The following SHANK2 variants were observed in gnomAD, a reference collection of about 807,000 sequenced individuals.
The protein encoded by SHANK2 is SH3 and multiple ankyrin repeat domains 2, also known as SH3 and multiple ankyrin repeat domains protein 2.
Under a neutral mutation model 133.7 loss-of-function variants are expected in SHANK2, and 43 were observed. The ratio of observed to expected loss-of-function variants is 0.32; its 90% CI spans 0.25 to 0.41. The LOEUF is 0.41. SHANK2 is among the 10% of genes least tolerant of loss of function. The pLI, the probability that SHANK2 is intolerant of heterozygous loss-of-function variation, is 1.00. For synonymous variants in SHANK2, 1,017 were observed against 952.8 expected (o/e 1.07, Z -1.24); for missense variants, 1,994 against 2,235.8 (o/e 0.89, Z 2.18).
chr11:70,669,575 ACCAGG>A (rs1219482439), intron 15 of SHANK2: 2 of 152,750 alleles, frequency 1.3e-5, no homozygotes, highest in African/African-American at 4.8e-5. Flanking sequence ...TGTTTCCACA[ACCAGG>A]CCCTACAGGT....
chr11:70,941,213 G>A (rs572254781), intron 10 of SHANK2, among the ~76,000 whole-genome samples: 4 of 152,178 alleles, frequency 2.6e-5, no homozygotes, highest in African/African-American at 4.8e-5. Flanking sequence ...CTCAATACAC[G>A]TAGTCCTCTC....
At chr11:70,934,618 T>C (rs1397700741) in intron 10 of SHANK2, among the ~76,000 whole-genome samples, 1 of 152,206 alleles carries the variant, frequency 6.6e-6, no homozygotes, top group Non-Finnish European at 1.5e-5. Flanking sequence ...CCAAATTCCA[T>C]CAAATCAAAG....
At chr11:70,574,988 C>G (rs782313743) in intron 17 of SHANK2, among the ~76,000 whole-genome samples, 7 of 152,270 alleles carry the variant, frequency 4.6e-5, no homozygotes, top group Non-Finnish European at 7.4e-5. Context: ...CCCTGCCCAA[C>G]CATCCCCATC....
intron 14 of SHANK2, among the ~76,000 whole-genome samples, chr11:70,790,362 G>A (rs528364260): frequency 1.3e-5 from 2 of 152,300 alleles, no homozygotes; most frequent in East Asian, 1.9e-4. Context: ...ATGGGCCAAC[G>A]GACCAGGCTA....
At chr11:70,584,776 CT>C (rs2060226958) in intron 17 of SHANK2, among the ~76,000 whole-genome samples, 1 of 152,232 alleles carries the variant, frequency 6.6e-6, no homozygotes, top group Non-Finnish European at 1.5e-5. Context: ...AGCTGTCCCC[CT>C]GATCCGTTGG....
rs369298083 is a variant in SHANK2 at position 70,501,873 on chromosome 11, G to T, written c.2287+50C>A. Reference sequence around the variant, plus strand: ...GGCTGAGGTGGATGTCAGTGGGGGTGCCCTAGACAGCAGGGGGAGCTGCTT... The same window carrying T: ...GGCTGAGGTGGATGTCAGTGGGGGTTCCCTAGACAGCAGGGGGAGCTGCTT... On this transcript the variant is annotated intron_variant, in intron 20 of 25. Transcript: ENST00000601538. The T allele has an allele frequency of 2.1e-5, 33 of 1,548,640 alleles. No homozygotes were observed. The African/African-American group carries it at 4.5e-4, about 21-fold the overall frequency.
At chr11:71,167,203 C>T (rs1401028375) in intron 2 of SHANK2, among the ~76,000 whole-genome samples, 1 of 152,320 alleles carries the variant, frequency 6.6e-6, no homozygotes, top group Non-Finnish European at 1.5e-5. Context: ...TACACAGACA[C>T]GGCAACCATC....
At chr11:70,915,302 T>G (rs1950254762) in intron 10 of SHANK2, among the ~76,000 whole-genome samples, 1 of 152,172 alleles carries the variant, frequency 6.6e-6, no homozygotes, top group Non-Finnish European at 1.5e-5. Context: ...GTTAGCAGAC[T>G]GTACACACAC....
In SHANK2 at chr11:70,556,596, T is replaced by C. The variant is rs572163400; in HGVS notation, c.2062-53665A>G. 7.3e-5 allele frequency among the ~76,000 whole-genome samples: 11 copies of C among 150,754 alleles called. No individual in the cohort carries two copies. The East Asian group carries it at 7.8e-4, about 11-fold the overall frequency. ...ATGCCCAGCTAATTTTTTTCTTTTT[T>C]TTTTTTTTTTCTTGAGACAGGGTCT... On this transcript the variant is annotated intron_variant, in intron 17 of 25. Coordinates refer to ENST00000601538, the MANE Select transcript of SHANK2 (RefSeq NM_012309.5).
At position 70,717,076 on chromosome 11, in the gene SHANK2, C is replaced by T. The variant is rs116642564; in HGVS notation, c.1778-18313G>A. On this transcript the variant is annotated intron_variant, in intron 14 of 25. Transcript: ENST00000601538. Reference sequence around the variant, plus strand: ...CCGTTACCACGCGGAAGGAGCACACCGTCCACTTGGTTAAAACAACAACGG... The same window carrying T: ...CCGTTACCACGCGGAAGGAGCACACTGTCCACTTGGTTAAAACAACAACGG... 7.3e-3 allele frequency among the ~76,000 whole-genome samples: 1,119 copies of T among 152,296 alleles called. 14 individuals are homozygous for T. The highest frequency in any genetic ancestry group is 0.025 in the African/African-American group (1,050 of 41,558).
At chr11:70,781,056 G>C (rs1204883991) in intron 14 of SHANK2, among the ~76,000 whole-genome samples, 2 of 151,866 alleles carry the variant, frequency 1.3e-5, no homozygotes, top group South Asian at 2.1e-4. Flanking sequence ...GTTTGTGTCG[G>C]TTCTCTGTTT....
intron 11 of SHANK2, among the ~76,000 whole-genome samples, chr11:70,885,939 C>T (rs1000094394): frequency 1.3e-5 from 2 of 152,180 alleles, no homozygotes; most frequent in African/African-American, 4.8e-5. Context: ...TAGACAGATA[C>T]GCACGGGAGA....
At chr11:71,063,219 T>G (rs2135939789) in intron 9 of SHANK2, among the ~76,000 whole-genome samples, 1 of 152,286 alleles carries the variant, frequency 6.6e-6, no homozygotes, top group East Asian at 1.9e-4. Flanking sequence ...GCGATACAGT[T>G]AGGATCCAAG....
intron 17 of SHANK2, among the ~76,000 whole-genome samples, chr11:70,513,027 C>T (rs944859102): frequency 2.6e-5 from 4 of 152,096 alleles, no homozygotes; most frequent in African/African-American, 4.8e-5. Context: ...GAGTACAATC[C>T]CCACCCCCAA....
At chr11:70,567,353 G>A (rs1176483480) in intron 17 of SHANK2, among the ~76,000 whole-genome samples, 1 of 152,176 alleles carries the variant, frequency 6.6e-6, no homozygotes, top group African/African-American at 2.4e-5. Flanking sequence ...ATGAGGCCGG[G>A]CGTGGTGGCT....
At chr11:70,547,506 C>T (rs782127791) in intron 17 of SHANK2, among the ~76,000 whole-genome samples, 13 of 152,056 alleles carry the variant, frequency 8.5e-5, no homozygotes, top group Non-Finnish European at 1.8e-4. Flanking sequence ...GGTGATCCAC[C>T]CACCTCACCC....
At position 70,493,129 on chromosome 11, in the gene SHANK2, C is replaced by A. The variant is rs553638626; in HGVS notation, c.2309-664G>T. 2.0e-4 allele frequency among the ~76,000 whole-genome samples: 30 copies of A among 148,114 alleles called. No individual in the cohort carries two copies. The South Asian group carries it at 6.2e-3, about 31-fold the overall frequency. On this transcript the variant is annotated intron_variant, in intron 21 of 25. Coordinates refer to ENST00000601538, the MANE Select transcript of SHANK2 (RefSeq NM_012309.5). ...TTGATTCTTTCTAATGGGATTTATT[C>A]TTGTGAGGGTTAACTAAACTGACTT...
At chr11:70,650,262 G>C (rs1256602872) in intron 17 of SHANK2, among the ~76,000 whole-genome samples, 1 of 152,232 alleles carries the variant, frequency 6.6e-6, no homozygotes, top group African/African-American at 2.4e-5. Flanking sequence ...CCTCCTTGTG[G>C]AAGAGATTTC....
At chr11:71,186,659 A>T (rs577848631) in intron 2 of SHANK2, among the ~76,000 whole-genome samples, 4 of 152,370 alleles carry the variant, frequency 2.6e-5, no homozygotes, top group African/African-American at 9.6e-5. Flanking sequence ...CCTGCATGTC[A>T]CATAGCCCTC....
Sources: allele counts gnomAD v4.1 joint callset (sites outside exome capture counted in the v4.1 genomes callset), GRCh38; gene constraint gnomAD v4.1.1; transcripts MANE v1.5; gene names NCBI Gene and HGNC (gene_info 2026-07-23, HGNC 2026-07-21).